The following NDST1 variants were observed in gnomAD, a reference collection of about 807,000 sequenced individuals.
The protein encoded by NDST1 is N-deacetylase and N-sulfotransferase 1, also known as bifunctional heparan sulfate N-deacetylase/N-sulfotransferase 1.
Under a neutral mutation model 92.8 loss-of-function variants are expected in NDST1, and 35 were observed. That is an observed-to-expected ratio of 0.38 (90% CI 0.29 to 0.50). The LOEUF (loss-of-function observed/expected upper bound fraction) is 0.50, where lower values mean the gene tolerates loss of function less well. Ranked by LOEUF, NDST1 falls within the 20% of genes least tolerant of loss-of-function variation. NDST1 has a pLI of 0.94. For missense variants in NDST1, 822 were observed against 1,182.7 expected (o/e 0.69, Z 4.47); for synonymous variants, 493 against 500.3 (o/e 0.99, Z 0.19).
At chr5:150,530,557 ATTTTTTTTT>A (rs71589713) in intron 3 of NDST1, among the ~76,000 whole-genome samples, 1 of 127,260 alleles carries the variant, frequency 7.9e-6, no homozygotes, top group African/African-American at 3.3e-5. Flanking sequence ...CGTATTTTAA[ATTTTTTTTT>A]TTTTTTTTTT....
At chr5:150,511,183 C>T (rs1753704422) in intron 1 of NDST1, among the ~76,000 whole-genome samples, 1 of 152,214 alleles carries the variant, frequency 6.6e-6, no homozygotes, top group Admixed American at 6.5e-5. Flanking sequence ...TGGCATGTCT[C>T]ATAAATGGAA....
intron 6 of NDST1, among the ~76,000 whole-genome samples, chr5:150,536,373 G>A (rs560828801): frequency 1.3e-5 from 2 of 152,016 alleles, no homozygotes; most frequent in East Asian, 3.9e-4. Flanking sequence ...AGGTGTGGTG[G>A]TGCATGCCTG....
chr5:150,507,861 G>A (rs76983850), upstream of NDST1, among the ~76,000 whole-genome samples: 2,889 of 152,326 alleles, frequency 0.019, 94 homozygotes, highest in African/African-American at 0.065. Context: ...TTCCTTTCCC[G>A]TGGAAGGCTC....
intron 9 of NDST1, 124 bp from the exon 10 acceptor site, chr5:150,542,724 C>A: frequency 8.0e-7 from 1 of 1,248,072 alleles, no homozygotes; most frequent in South Asian, 1.2e-5. Context: ...AAGCTAAGAC[C>A]AGAGAAAGGC....
At chr5:150,517,185 T>C (rs1754013245) in intron 1 of NDST1, among the ~76,000 whole-genome samples, 1 of 152,070 alleles carries the variant, frequency 6.6e-6, no homozygotes, top group Non-Finnish European at 1.5e-5. Context: ...GGGGTCTCGC[T>C]CTGTCGCTCA....
At position 150,554,591 on chromosome 5, in the gene NDST1, AT is replaced by A. The variant is rs1437094989; in HGVS notation, c.*1260del. ...ACCCCAGGTGAACAGAGGTGGTGAG[AT>A]GCGCAGGGAAGACCAGCTCTCTCCA... On this transcript the variant is annotated 3_prime_UTR_variant, in exon 15 of 15. Coordinates refer to ENST00000261797, the MANE Select transcript of NDST1 (RefSeq NM_001543.5). 1 of 152,500 alleles carries A rather than the reference AT, an allele frequency of 6.6e-6. No homozygotes were observed. The highest frequency in any genetic ancestry group is 2.4e-5 in the African/African-American group (1 of 41,380). 9.4% of individuals were successfully genotyped at this position (152,500 alleles called of 1,614,324 possible).
chr5:150,499,606 GT>G (rs1255680833), intron 1 of NDST1, among the ~76,000 whole-genome samples: 1 of 152,202 alleles, frequency 6.6e-6, no homozygotes, highest in Non-Finnish European at 1.5e-5. Flanking sequence ...GTGAAAGCAG[GT>G]GTGGCCATGG....
At chr5:150,547,796 G>A (rs980037520) in intron 11 of NDST1, among the ~76,000 whole-genome samples, 1 of 152,114 alleles carries the variant, frequency 6.6e-6, no homozygotes, top group Non-Finnish European at 1.5e-5. Flanking sequence ...AGCGATTCTC[G>A]TGCCTCAGCC....
At chr5:150,526,578 C>G (rs1033884354) in intron 2 of NDST1, among the ~76,000 whole-genome samples, 1 of 152,100 alleles carries the variant, frequency 6.6e-6, no homozygotes, top group Non-Finnish European at 1.5e-5. Context: ...ACATCATAGC[C>G]CCTAACCTTA....
At chr5:150,545,191 G>A in intron 10 of NDST1, 121 bp from the exon 11 acceptor site, 1 of 1,188,054 alleles carries the variant, frequency 8.4e-7, no homozygotes, top group Non-Finnish European at 1.2e-6. Context: ...TTGGTTGGGA[G>A]CAAAGCTTCC....
chr5:150,540,512 AAC>A (rs1275890018), intron 8 of NDST1, among the ~76,000 whole-genome samples: 1 of 152,142 alleles, frequency 6.6e-6, no homozygotes, highest in Non-Finnish European at 1.5e-5. Flanking sequence ...CCTTGGAAAA[AAC>A]AGTGTTAAAA....
Position 150,535,882 on chromosome 5 carries a change from C to T in NDST1, c.1434C>T (p.Ile478=). 6.2e-7 allele frequency: 1 copy of T among 1,613,192 alleles called. No homozygotes were observed. The highest frequency in any genetic ancestry group is 8.5e-7 in the Non-Finnish European group (1 of 1,179,598). Residue 478 remains isoleucine (I), a synonymous_variant, in exon 6 of 15, where the codon ATC becomes ATT. Transcript: ENST00000261797. ...RYRRGFIHNG[I]MVLPRQTCGL... is the part of the protein sequence containing the mutation. Reference sequence around the variant, plus strand: ...GCCGTGGCTTCATCCACAATGGCATCATGGTGAGTGGGCCCCTGGAAGCCC... The same window carrying T: ...GCCGTGGCTTCATCCACAATGGCATTATGGTGAGTGGGCCCCTGGAAGCCC...
At chr5:150,518,386 A>T (rs1233379784) in intron 1 of NDST1, among the ~76,000 whole-genome samples, 2 of 152,014 alleles carry the variant, frequency 1.3e-5, no homozygotes, top group African/African-American at 4.8e-5. Context: ...TGGCACTGAA[A>T]TGTAGAATAT....
intron 5 of NDST1, 59 bp from the exon 6 acceptor site, chr5:150,535,640 GA>G (rs1221993008): frequency 2.2e-5 from 35 of 1,588,114 alleles, no homozygotes; most frequent in Non-Finnish European, 3.0e-5. Context: ...ACAAAGGGGG[GA>G]TAAGGCCCAA....
intron 1 of NDST1, among the ~76,000 whole-genome samples, chr5:150,498,472 G>T (rs948572801): frequency 6.6e-6 from 1 of 152,172 alleles, no homozygotes; most frequent in Non-Finnish European, 1.5e-5. Context: ...CCCTGGCTCC[G>T]CACTCTGTGC....
chr5:150,545,271 A>G, intron 10 of NDST1, 41 bp from the exon 11 acceptor site: 1 of 1,611,848 alleles, frequency 6.2e-7, no homozygotes, highest in East Asian at 2.2e-5. Flanking sequence ...CCCCCTCCTC[A>G]TGAGTTTTGT....
intron 2 of NDST1, among the ~76,000 whole-genome samples, chr5:150,524,691 C>T (rs1317663521): frequency 6.6e-6 from 1 of 152,214 alleles, no homozygotes; most frequent in East Asian, 1.9e-4. Context: ...GGTTGAGTGT[C>T]CCTTGTCTGA....
At chr5:150,522,266 T>TGGA (rs1300559736) in intron 2 of NDST1, among the ~76,000 whole-genome samples, 1 of 151,956 alleles carries the variant, frequency 6.6e-6, no homozygotes, top group African/African-American at 2.4e-5. Context: ...TTGGTGGTGG[T>TGGA]GGAGTATGGC....
At chr5:150,535,509 T>A (rs1448759237) in intron 5 of NDST1, 191 bp from the exon 6 acceptor site, 1 of 697,930 alleles carries the variant, frequency 1.4e-6, no homozygotes, top group African/African-American at 1.9e-5. Context: ...GCTCTGCCAG[T>A]TGCCCACACT....
Sources: gnomAD v4.1 joint callset for allele counts (sites outside exome capture counted in the v4.1 genomes callset) on GRCh38, gnomAD v4.1.1 for gene constraint, MANE v1.5 for transcripts, NCBI Gene and HGNC (gene_info 2026-07-23, HGNC 2026-07-21) for gene names.